Variants in RBFOX1 observed in about 807,000 individuals in gnomAD.
RBFOX1 encodes RNA binding fox-1 homolog 1.
In RBFOX1, 8 loss-of-function variants were observed where a neutral mutation model predicts 57.7. The ratio of observed to expected loss-of-function variants is 0.14; its 90% CI spans 0.08 to 0.25. The LOEUF is 0.25. RBFOX1 is among the 10% of genes least tolerant of loss of function. The pLI, the probability that RBFOX1 is intolerant of heterozygous loss-of-function variation, is 1.00. For synonymous variants in RBFOX1, 326 were observed against 222.4 expected (o/e 1.47, Z -4.15); for missense variants, 611 against 548.5 (o/e 1.11, Z -1.14).
rs2072408185 is a variant in RBFOX1 at position 7,504,743 on chromosome 16, ATATATATATATT to A, written c.28-13392_28-13381del. ...TATATATATATATATATATATATAT[ATATATATATATT>A]TATATATATATATATTTATATATAT... On this transcript the variant is annotated intron_variant, in intron 4 of 15. Transcript: ENST00000550418. 9.4e-4 allele frequency among the ~76,000 whole-genome samples: 14 copies of A among 14,944 alleles called. 1 individual carries two copies. The highest frequency in any genetic ancestry group is 1.9e-3 in the Admixed American group (2 of 1,026). The allele number at this position is 14,944 out of a possible 152,430, so 9.8% of individuals were successfully genotyped here. A position where few individuals can be genotyped will look rare whatever the true frequency, so the allele number is the denominator to read the frequency against.
At position 6,842,537 on chromosome 16, in the gene RBFOX1, A is replaced by G. The variant is rs2093535168; in HGVS notation, c.-16+187887A>G. Reference sequence around the variant, plus strand: ...TATCCTGCCCTTTTCAGCTTGATGAATATCTGTATCAACTTTTTAATGGCT... The same window carrying G: ...TATCCTGCCCTTTTCAGCTTGATGAGTATCTGTATCAACTTTTTAATGGCT... On this transcript the variant is annotated intron_variant, in intron 3 of 15. Transcript: ENST00000550418. Among the ~76,000 whole-genome samples the G allele has an allele frequency of 2.0e-5, 3 of 152,136 alleles. No homozygotes were observed. The South Asian group carries it at 6.2e-4, about 32-fold the overall frequency.
intron 3 of RBFOX1, among the ~76,000 whole-genome samples, chr16:6,771,737 G>C (rs558888034): frequency 6.6e-6 from 1 of 152,298 alleles, no homozygotes; most frequent in South Asian, 2.1e-4. Context: ...GTGGAGGCCA[G>C]GGATGCTGTT....
At chr16:7,435,071 C>T (rs1034919523) in intron 4 of RBFOX1, among the ~76,000 whole-genome samples, 1 of 152,048 alleles carries the variant, frequency 6.6e-6, no homozygotes, top group African/African-American at 2.4e-5. Flanking sequence ...ACTAATGAAC[C>T]AATATTGATA....
intron 1 of RBFOX1, among the ~76,000 whole-genome samples, chr16:5,359,120 C>T (rs777428702): frequency 6.6e-6 from 1 of 152,172 alleles, no homozygotes; most frequent in African/African-American, 2.4e-5. Context: ...CAGTTTCATC[C>T]ACATTTTTGC....
At chr16:6,979,401 C>T (rs1354510460) in intron 3 of RBFOX1, among the ~76,000 whole-genome samples, 6 of 152,136 alleles carry the variant, frequency 3.9e-5, no homozygotes, top group African/African-American at 4.8e-5. Flanking sequence ...GTGCGATAGA[C>T]CCACTAAATT....
intron 4 of RBFOX1, among the ~76,000 whole-genome samples, chr16:7,144,417 C>CTTTTTTTTTTTTTTTTTTTTTTT (rs1190886141): frequency 3.0e-5 from 2 of 66,914 alleles, no homozygotes; most frequent in East Asian, 4.7e-4. Flanking sequence ...TTTCTTTCTT[C>CTTTTTTTTTTTTTTTTTTTTTTT]TTTTTTTTTT....
chr16:6,974,903 C>T (rs986590587), intron 3 of RBFOX1, among the ~76,000 whole-genome samples: 12 of 152,108 alleles, frequency 7.9e-5, no homozygotes, highest in Non-Finnish European at 1.3e-4. Flanking sequence ...GTGAGAAATC[C>T]AGCATGTCCT....
intron 11 of RBFOX1, among the ~76,000 whole-genome samples, chr16:7,633,305 C>G (rs2061274478): frequency 6.6e-6 from 1 of 152,254 alleles, no homozygotes; most frequent in South Asian, 2.1e-4. Context: ...GTACCTTTTT[C>G]TATGTTTAAA....
intron 4 of RBFOX1, among the ~76,000 whole-genome samples, chr16:6,009,844 A>G (rs1165448104): frequency 2.2e-5 from 1 of 45,818 alleles, no homozygotes; most frequent in Non-Finnish European, 3.6e-5. Flanking sequence ...GTATAGGGGG[A>G]TTTGAAAATT....
chr16:7,488,284 T>C (rs2065945500), intron 4 of RBFOX1, among the ~76,000 whole-genome samples: 1 of 152,042 alleles, frequency 6.6e-6, no homozygotes, highest in South Asian at 2.1e-4. Context: ...GGCTGTGCAG[T>C]TTCCCTTTCT....
At chr16:6,841,045 T>C (rs1204151467) in intron 3 of RBFOX1, among the ~76,000 whole-genome samples, 1 of 152,154 alleles carries the variant, frequency 6.6e-6, no homozygotes, top group Non-Finnish European at 1.5e-5. Flanking sequence ...AGAAATAAAC[T>C]TGTTTTGTGC....
chr16:6,582,003 C>G (rs989586873), intron 2 of RBFOX1, among the ~76,000 whole-genome samples: 7 of 152,140 alleles, frequency 4.6e-5, no homozygotes, highest in Non-Finnish European at 1.5e-5. Flanking sequence ...AGGGATGCTA[C>G]CAGCATCTAG....
At position 5,257,853 on chromosome 16, in the gene RBFOX1, G is replaced by T. The variant is rs576780898; in HGVS notation, c.219+17748G>T. Among the ~76,000 whole-genome samples, 182 of 152,110 alleles carry T rather than the reference G, an allele frequency of 1.2e-3. 1 individual carries two copies. The highest frequency in any genetic ancestry group is 4.2e-3 in the African/African-American group (175 of 41,480). On this transcript the variant is annotated intron_variant, in intron 1 of 2. Transcript: ENST00000585867. ...TCAAAAAAATCATTTTTTTGGGGTG[G>T]GGGGGAAATGGGATCAAGAGGGTTT...
At chr16:6,982,277 A>T (rs2089126499) in intron 3 of RBFOX1, among the ~76,000 whole-genome samples, 1 of 152,182 alleles carries the variant, frequency 6.6e-6, no homozygotes, top group Non-Finnish European at 1.5e-5. Context: ...TTTCCAGGTA[A>T]CAAAGATTGA....
At chr16:5,920,126 G>T (rs112959234) in intron 4 of RBFOX1, among the ~76,000 whole-genome samples, 7 of 152,042 alleles carry the variant, frequency 4.6e-5, no homozygotes, top group African/African-American at 1.4e-4. Context: ...GGTAGAGACG[G>T]GATTTCACCG....
chr16:7,304,492 C>T (rs2096123316), intron 4 of RBFOX1: 3 of 985,128 alleles, frequency 3.0e-6, no homozygotes, highest in Admixed American at 6.1e-5. Context: ...GCAGGTAAGG[C>T]GCGCGTCTGC....
At chr16:6,108,611 G>T (rs191727171) in intron 1 of RBFOX1, among the ~76,000 whole-genome samples, 16 of 152,296 alleles carry the variant, frequency 1.1e-4, no homozygotes, top group African/African-American at 3.1e-4. Context: ...TTGTCACACA[G>T]TTGGTGGCTT....
intron 3 of RBFOX1, among the ~76,000 whole-genome samples, chr16:5,832,035 G>T (rs1473756042): frequency 6.6e-6 from 1 of 152,176 alleles, no homozygotes; most frequent in Non-Finnish European, 1.5e-5. Flanking sequence ...GTTGAAGGAA[G>T]ACCCCAGTCA....
intron 1 of RBFOX1, among the ~76,000 whole-genome samples, chr16:5,370,881 G>A (rs1289744136): frequency 6.6e-6 from 1 of 152,176 alleles, no homozygotes; most frequent in Non-Finnish European, 1.5e-5. Context: ...TCAAGACTAT[G>A]TTTCCCTGTT....
Sources: gnomAD v4.1 joint callset for allele counts (sites outside exome capture counted in the v4.1 genomes callset) on GRCh38, gnomAD v4.1.1 for gene constraint, MANE v1.5 for transcripts, NCBI Gene and HGNC (gene_info 2026-07-23, HGNC 2026-07-21) for gene names.